PEX7: variants seen among roughly 807,000 people sequenced by gnomAD.
PEX7 encodes PTS2 receptor.
A neutral mutation model predicts 47.5 loss-of-function variants in PEX7; 34 were observed. The observed-to-expected ratio is 0.72, with a 90% confidence interval of 0.54 to 0.95. The LOEUF (loss-of-function observed/expected upper bound fraction) is 0.95, where lower values mean the gene tolerates loss of function less well. PEX7 is among the 40% of genes least tolerant of loss of function. PEX7 has a pLI of 0.00. For missense variants in PEX7, 394 were observed against 400.3 expected, an observed-to-expected ratio of 0.98 and a Z score of 0.13; for synonymous variants, 141 against 148.8, an observed-to-expected ratio of 0.95 and a Z score of 0.38.
chr6:136,859,685 C>G (rs928305095), intron 5 of PEX7, among the ~76,000 whole-genome samples: 1 of 152,110 alleles, frequency 6.6e-6, no homozygotes, highest in African/African-American at 2.4e-5. Flanking sequence ...TGAAATTAGA[C>G]ATAGTAACAG....
Position 136,825,289 on chromosome 6 carries a change from A to G in PEX7, c.188+18A>G. On this transcript the variant is annotated intron_variant, in intron 2 of 9. Coordinates refer to ENST00000318471, the MANE Select transcript of PEX7 (RefSeq NM_000288.4). ...TTTAGAAGGTAAGGGGGCTGAAATT[A>G]TTAAAGGTATATATTGTTGCTATTA... 6.3e-7 allele frequency: 1 copy of G among 1,586,222 alleles called. No homozygotes were observed. Among genetic ancestry groups the G allele is most frequent in the South Asian group, 1.1e-5 (1 of 90,550 alleles).
rs7740915 is a variant in PEX7 at position 136,898,593 on chromosome 6, C to T, written c.903+352C>T. Among the ~76,000 whole-genome samples the T allele has an allele frequency of 4.4e-3, 677 of 152,298 alleles. 2 individuals are homozygous for T. Among genetic ancestry groups the T allele is most frequent in the African/African-American group, 0.015 (637 of 41,560 alleles). ...TCAGGAGCATGTGGTCCTGACTCAG[C>T]TGTCCCATTAGGCAGTTGAGACCAT... is the stretch of plus-strand genomic sequence containing the variant. On this transcript the variant is annotated intron_variant, in intron 9 of 9. Coordinates refer to ENST00000318471, the MANE Select transcript of PEX7 (RefSeq NM_000288.4).
At chr6:136,882,178 T>C (rs1418594) in intron 8 of PEX7, among the ~76,000 whole-genome samples, 2,760 of 138,254 alleles carry the variant, frequency 0.02, 23 homozygotes, top group African/African-American at 0.044. Context: ...TCTTCTTCTT[T>C]TTTTTTTTTT....
intron 8 of PEX7, among the ~76,000 whole-genome samples, chr6:136,892,986 G>A (rs745606048): frequency 6.6e-6 from 1 of 152,140 alleles, no homozygotes; most frequent in Non-Finnish European, 1.5e-5. Context: ...TGTGGCCAGA[G>A]ACACCTTTGA....
chr6:136,911,510 A>G (rs1420011412), intron 9 of PEX7, among the ~76,000 whole-genome samples: 1 of 151,836 alleles, frequency 6.6e-6, no homozygotes, highest in African/African-American at 2.4e-5. Context: ...GGTTGAAGCG[A>G]TTCTCCCACC....
intron 6 of PEX7, among the ~76,000 whole-genome samples, chr6:136,868,489 A>G (rs919494750): frequency 1.3e-5 from 2 of 152,120 alleles, no homozygotes; most frequent in African/African-American, 2.4e-5. Flanking sequence ...GCTGATGACT[A>G]TAGTTTCAAA....
chr6:136,897,047 T>C (rs1775664577), intron 8 of PEX7, among the ~76,000 whole-genome samples: 1 of 152,236 alleles, frequency 6.6e-6, no homozygotes, highest in African/African-American at 2.4e-5. Context: ...CCAAATATTT[T>C]GTAGATTTTG....
intron 8 of PEX7, among the ~76,000 whole-genome samples, chr6:136,886,339 G>C (rs1009503436): frequency 3.3e-5 from 5 of 152,154 alleles, no homozygotes; most frequent in African/African-American, 1.2e-4. Flanking sequence ...AGTCATACTT[G>C]AAGTGAAAAG....
chr6:136,902,663 C>T (rs1028526390), intron 9 of PEX7, among the ~76,000 whole-genome samples: 1 of 151,760 alleles, frequency 6.6e-6, no homozygotes, highest in African/African-American at 2.4e-5. Context: ...ATTAGATACT[C>T]TTTTTCTTTT....
At chr6:136,865,060 T>G (rs1380832501) in intron 5 of PEX7, among the ~76,000 whole-genome samples, 1 of 152,226 alleles carries the variant, frequency 6.6e-6, no homozygotes, top group Non-Finnish European at 1.5e-5. Flanking sequence ...TTAGAAAAAC[T>G]GGAGGCAAAC....
chr6:136,899,080 CTTTTTTTTT>C (rs71547049), intron 9 of PEX7, among the ~76,000 whole-genome samples: 3 of 111,978 alleles, frequency 2.7e-5, no homozygotes, highest in South Asian at 2.9e-4. Context: ...TTTTTCTTTT[CTTTTTTTTT>C]TTTTTTTTTG....
At position 136,906,196 on chromosome 6, in the gene PEX7, C is replaced by G. The variant is rs374679246; in HGVS notation, c.904-7262C>G. Among the ~76,000 whole-genome samples, 12 of 152,096 alleles carry G rather than the reference C, an allele frequency of 7.9e-5. No individual in the cohort carries two copies. In the East Asian group the frequency reaches 1.7e-3, roughly 22 times the overall value. On this transcript the variant is annotated intron_variant, in intron 9 of 9. Transcript: ENST00000318471. ...AAGGTGAGAACTGCCACCATCACCA[C>G]TGTAAATGAACATGGTTCTAAAAAT...
rs5880309 is a variant in PEX7, at chr6:136,827,504, T to TTGTGTGTG, written c.339+1073_339+1080dup. On this transcript the variant is annotated intron_variant, in intron 3 of 9. Transcript: ENST00000318471. ...ATACTTTTGTGGAACCTGTGTGAAT[T>TTGTGTGTG]TGTGTGTGTGTGTGTGTGTGTGTGT... Among the ~76,000 whole-genome samples, 1,278 of 141,000 alleles carry TTGTGTGTG rather than the reference T, an allele frequency of 9.1e-3. 15 individuals carry two copies. Among genetic ancestry groups the TTGTGTGTG allele is most frequent in the Middle Eastern group, 0.03 (8 of 270 alleles). 92.5% of individuals were successfully genotyped at this position (141,000 alleles called of 152,430 possible).
chr6:136,905,342 C>G (rs942609037), intron 9 of PEX7, among the ~76,000 whole-genome samples: 5 of 152,120 alleles, frequency 3.3e-5, no homozygotes, highest in Admixed American at 2.0e-4. Context: ...TGGGGCTTAC[C>G]CCACTGTCCT....
chr6:136,870,577 T>C (rs762311963), intron 7 of PEX7, among the ~76,000 whole-genome samples: 15 of 152,236 alleles, frequency 9.9e-5, no homozygotes, highest in African/African-American at 3.1e-4. Flanking sequence ...GCTAAATGAC[T>C]GTGGAAAACA....
intron 3 of PEX7, among the ~76,000 whole-genome samples, chr6:136,841,527 C>T (rs540623130): frequency 9.2e-5 from 14 of 152,294 alleles, no homozygotes; most frequent in African/African-American, 3.4e-4. Context: ...CTCTTCTGAG[C>T]ACGAAGCTGA....
intron 1 of PEX7, among the ~76,000 whole-genome samples, chr6:136,824,640 A>G (rs760402639): frequency 7.2e-5 from 11 of 152,264 alleles, no homozygotes; most frequent in Non-Finnish European, 1.0e-4. Flanking sequence ...TTAAAATACA[A>G]TGGCCCTTTG....
intron 8 of PEX7, among the ~76,000 whole-genome samples, chr6:136,879,541 C>G (rs1775338772): frequency 6.6e-6 from 1 of 152,092 alleles, no homozygotes; most frequent in African/African-American, 2.4e-5. Flanking sequence ...CCGACCCCAA[C>G]CATCAATCCT....
chr6:136,832,192 T>A lies in PEX7; in HGVS notation c.339+5723T>A, dbSNP rs7741718. Among the ~76,000 whole-genome samples, 4 of 152,224 alleles carry A rather than the reference T, an allele frequency of 2.6e-5. No individual in the cohort carries two copies. In the South Asian group the frequency reaches 8.3e-4, roughly 32 times the overall value. Reference sequence around the variant, plus strand: ...TTCTAAACTCTTCTTGTCTTCTGTGTACCCACAGACCCAACACCACATGGA... The same window carrying A: ...TTCTAAACTCTTCTTGTCTTCTGTGAACCCACAGACCCAACACCACATGGA... On this transcript the variant is annotated intron_variant, in intron 3 of 9. Coordinates refer to ENST00000318471, the MANE Select transcript of PEX7 (RefSeq NM_000288.4).
Sources: gnomAD v4.1 joint callset for allele counts (sites outside exome capture counted in the v4.1 genomes callset) on GRCh38, gnomAD v4.1.1 for gene constraint, MANE v1.5 for transcripts, NCBI Gene and HGNC (gene_info 2026-07-23, HGNC 2026-07-21) for gene names.